The following TMTC4 variants were observed in gnomAD, a reference collection of about 807,000 sequenced individuals.
TMTC4 encodes the protein transmembrane O-mannosyltransferase targeting cadherins 4.
TMTC4 carries 65 observed loss-of-function variants against 86.0 expected under a neutral mutation model. The ratio of observed to expected loss-of-function variants is 0.76; its 90% confidence interval spans 0.62 to 0.93. TMTC4 has a LOEUF of 0.93. TMTC4 is among the 40% of genes least tolerant of loss of function. TMTC4 has a pLI of 0.00. For missense variants in TMTC4, 866 were observed against 948.1 expected, an observed-to-expected ratio of 0.91 and a Z score of 1.14; for synonymous variants, 379 against 382.5, an observed-to-expected ratio of 0.99 and a Z score of 0.11.
At position 100,635,014 on chromosome 13, in the gene TMTC4, C is replaced by A; in HGVS notation, c.1374+10G>T. The A allele has an allele frequency of 6.2e-7, 1 of 1,610,112 alleles. No individual in the cohort carries two copies. Among genetic ancestry groups the A allele is most frequent in the African/African-American group, 1.3e-5 (1 of 74,984 alleles). ...TCTGTTCATCAGCTGGCACCACTCT[C>A]AGTTGATACCTTTTTCTTGGTATGT... On this transcript the variant is annotated intron_variant, in intron 11 of 18. Coordinates refer to ENST00000342624, the MANE Select transcript of TMTC4 (RefSeq NM_032813.5).
Position 100,636,701 on chromosome 13 carries a change from C to G in TMTC4, c.1033G>C (p.Ala345Pro). The G allele has an allele frequency of 6.2e-7, 1 of 1,614,182 alleles. No individual in the cohort carries two copies. The highest frequency in any genetic ancestry group is 8.5e-7 in the Non-Finnish European group (1 of 1,180,032). ...CACCAGGGACACAGCAGCAGCCAGG[C>G]ATTCAATGAATAGTAGTAATTGTAG... is the stretch of plus-strand genomic sequence containing the variant. Reference protein sequence around the residue: ...VNYNYYYSLNAWLLLCPWWLC... With the variant: ...VNYNYYYSLNPWLLLCPWWLC... The change falls in exon 10 of 19, where the codon GCC (alanine) becomes CCC (proline). Residue 345 changes from alanine to proline, a missense_variant. By Grantham distance (27) the Ala-to-Pro change is conservative. Coordinates refer to ENST00000342624, the MANE Select transcript of TMTC4 (RefSeq NM_032813.5).
intron 12 of TMTC4, among the ~76,000 whole-genome samples, chr13:100,632,928 T>C (rs1881642041): frequency 6.6e-6 from 1 of 152,024 alleles, no homozygotes; most frequent in Non-Finnish European, 1.5e-5. Context: ...TAAAAGAAAA[T>C]TCTTCTAACC....
chr13:100,642,172 C>T lies in TMTC4; in HGVS notation c.741+39G>A, dbSNP rs754961996. The T allele has an allele frequency of 2.5e-6, 4 of 1,606,826 alleles. No homozygotes were observed. In the South Asian group the frequency reaches 4.4e-5, roughly 18 times the overall value. On this transcript the variant is annotated intron_variant, in intron 7 of 18. Transcript: ENST00000342624. ...TGTCTTTATAGGAGGGAAAAGGACA[C>T]ACAGAAAAAGCAGGCCCCAGCCATG...
intron 12 of TMTC4, among the ~76,000 whole-genome samples, chr13:100,631,633 C>G (rs866914637): frequency 6.6e-6 from 1 of 152,204 alleles, no homozygotes; most frequent in African/African-American, 2.4e-5. Context: ...ACTACCTACA[C>G]TGACATTGCA....
rs1882214662 is a variant in TMTC4, at chr13:100,636,429, T to C, written c.1202+103A>G. On this transcript the variant is annotated intron_variant, in intron 10 of 18. Coordinates refer to ENST00000342624, the MANE Select transcript of TMTC4 (RefSeq NM_032813.5). ...AATATGCATTTGAAACAAATGTCCTTAGACGTGACTTCCACAAAATCATAA... is the reference window on the plus strand; with the variant it reads ...AATATGCATTTGAAACAAATGTCCTCAGACGTGACTTCCACAAAATCATAA... The C allele has an allele frequency of 2.9e-6, 4 of 1,356,932 alleles. No individual in the cohort carries two copies. In the Admixed American group the frequency reaches 5.7e-5, roughly 19 times the overall value. The allele number at this position is 1,356,932 out of a possible 1,614,324, so 84.1% of individuals were successfully genotyped here.
chr13:100,660,945 C>T (rs924246343), intron 5 of TMTC4, among the ~76,000 whole-genome samples: 3 of 152,304 alleles, frequency 2.0e-5, no homozygotes, highest in South Asian at 2.1e-4. Flanking sequence ...TGAGCCACTG[C>T]GCCTGGCCTA....
chr13:100,610,961 A>G (rs1794937483), intron 17 of TMTC4, among the ~76,000 whole-genome samples: 1 of 152,254 alleles, frequency 6.6e-6, no homozygotes, highest in African/African-American at 2.4e-5. Flanking sequence ...GCCCTCTTCA[A>G]AAAGCTATTT....
At chr13:100,642,121 G>A (rs1883092450) in intron 7 of TMTC4, 90 bp downstream of exon 7, 4 of 1,356,098 alleles carry the variant, frequency 2.9e-6, no homozygotes, top group East Asian at 4.6e-5. Flanking sequence ...CGTGGAGAAC[G>A]CCACAGAGGC....
intron 12 of TMTC4, 94 bp downstream of exon 12, chr13:100,634,711 A>G: frequency 6.8e-7 from 1 of 1,477,848 alleles, no homozygotes; most frequent in East Asian, 2.3e-5. Context: ...GTCTTACACT[A>G]AATACTGCGC....
chr13:100,614,948 G>A, intron 15 of TMTC4: 3 of 985,238 alleles, frequency 3.0e-6, no homozygotes, highest in Non-Finnish European at 3.6e-6. Flanking sequence ...GGTGGTCTCA[G>A]GGCCTCTTCC....
chr13:100,670,287 A>T, intron 2 of TMTC4, 73 bp downstream of exon 2: 1 of 1,551,706 alleles, frequency 6.4e-7, no homozygotes, highest in Non-Finnish European at 8.7e-7. Flanking sequence ...GGCCACCTGA[A>T]GTCACAGGCA....
At chr13:100,610,802 G>C (rs1167317657) in intron 17 of TMTC4, among the ~76,000 whole-genome samples, 1 of 152,222 alleles carries the variant, frequency 6.6e-6, no homozygotes, top group African/African-American at 2.4e-5. Context: ...TCTTCAAGAA[G>C]ACTCGCTGTA....
At chr13:100,647,614 T>C (rs1883923421) in intron 6 of TMTC4, among the ~76,000 whole-genome samples, 1 of 152,264 alleles carries the variant, frequency 6.6e-6, no homozygotes, top group Non-Finnish European at 1.5e-5. Context: ...TATTTTTACT[T>C]GACTGTAACA....
chr13:100,652,145 A>G (rs962111850), intron 6 of TMTC4, among the ~76,000 whole-genome samples: 4 of 151,906 alleles, frequency 2.6e-5, no homozygotes, highest in African/African-American at 9.7e-5. Flanking sequence ...AGCCTGGGTG[A>G]CAAGAGCAAA....
At chr13:100,615,061 G>A (rs762901543) in intron 15 of TMTC4, 2 of 368,924 alleles carry the variant, frequency 5.4e-6, no homozygotes, top group Non-Finnish European at 7.5e-6. Context: ...TGGCAATTTT[G>A]AGTTTGTTTG....
intron 3 of TMTC4, among the ~76,000 whole-genome samples, chr13:100,666,642 T>A (rs773108092): frequency 6.6e-6 from 1 of 152,200 alleles, no homozygotes; most frequent in Non-Finnish European, 1.5e-5. Flanking sequence ...AAATGAATAA[T>A]GGAATTTAAA....
chr13:100,620,154 G>C (rs542566692), intron 15 of TMTC4, among the ~76,000 whole-genome samples: 1 of 152,118 alleles, frequency 6.6e-6, no homozygotes, highest in Non-Finnish European at 1.5e-5. Flanking sequence ...GCAGTCCTAC[G>C]CTTACCCTTC....
intron 15 of TMTC4, chr13:100,623,825 T>C (rs1879978915): frequency 4.5e-6 from 2 of 444,666 alleles, no homozygotes; most frequent in Admixed American, 2.4e-5. Flanking sequence ...GTCTTGCCTT[T>C]GTGCGGCCAA....
At chr13:100,665,759 C>T (rs1886319178) in intron 3 of TMTC4, among the ~76,000 whole-genome samples, 2 of 152,372 alleles carry the variant, frequency 1.3e-5, no homozygotes, top group South Asian at 2.1e-4. Flanking sequence ...TAAGTGCTTG[C>T]TGACTCAAAG....
Sources: allele counts gnomAD v4.1 joint callset (sites outside exome capture counted in the v4.1 genomes callset), GRCh38; gene constraint gnomAD v4.1.1; transcripts MANE v1.5; gene names NCBI Gene and HGNC (gene_info 2026-07-23, HGNC 2026-07-21).